Variants in CMC2 observed in about 807,000 individuals in gnomAD.
The protein encoded by CMC2 is COX assembly mitochondrial protein 2 homolog.
CMC2 carries 5 observed loss-of-function variants against 7.5 expected under a neutral mutation model. The ratio of observed to expected loss-of-function variants is 0.66; its 90% confidence interval spans 0.35 to 1.40. CMC2 has a LOEUF of 1.40. Among genes scored for constraint, CMC2 ranks in the 40% most tolerant of loss-of-function variants. CMC2 has a pLI of 0.04. For missense variants in CMC2, 115 were observed against 92.3 expected, an observed-to-expected ratio of 1.25 and a Z score of -1.01; for synonymous variants, 37 against 31.4, an observed-to-expected ratio of 1.18 and a Z score of -0.60.
At chr16:80,994,957 C>T (rs1968288425) in intron 2 of CMC2, among the ~76,000 whole-genome samples, 2 of 151,922 alleles carry the variant, frequency 1.3e-5, no homozygotes, top group Admixed American at 6.6e-5. Flanking sequence ...ACCAGCCTGA[C>T]CAACATAATG....
chr16:80,991,274 G>C (rs1050600125), intron 2 of CMC2, among the ~76,000 whole-genome samples: 6 of 152,084 alleles, frequency 3.9e-5, no homozygotes, highest in African/African-American at 4.8e-5. Context: ...CAGTCCTTAC[G>C]TGTAGGCTGC....
intron 2 of CMC2, among the ~76,000 whole-genome samples, chr16:80,986,117 G>A (rs984317483): frequency 6.6e-6 from 1 of 152,186 alleles, no homozygotes; most frequent in Non-Finnish European, 1.5e-5. Flanking sequence ...GGAGGCCCAG[G>A]CGGGCGGATC....
At position 80,992,705 on chromosome 16, in the gene CMC2, C is replaced by CTTTTTTTTTT. The variant is rs71390989; in HGVS notation, c.81+4599_81+4608dup. Among the ~76,000 whole-genome samples the CTTTTTTTTTT allele has an allele frequency of 3.2e-5, 3 of 92,518 alleles. 1 individual carries two copies. Among genetic ancestry groups the CTTTTTTTTTT allele is most frequent in the African/African-American group, 7.2e-5 (2 of 27,924 alleles). The allele number at this position is 92,518 out of a possible 152,430, so 60.7% of individuals were successfully genotyped here. On this transcript the variant is annotated intron_variant, in intron 2 of 3. Coordinates refer to ENST00000219400, the MANE Select transcript of CMC2 (RefSeq NM_020188.5). ...GATTTTTGGCCTCTTATTCCCCCTC[C>CTTTTTTTTTT]TTTTTTTTTTTTTTTTTGTGTAAAG...
chr16:80,990,332 A>C (rs1049842357), intron 2 of CMC2, among the ~76,000 whole-genome samples: 3 of 151,918 alleles, frequency 2.0e-5, no homozygotes, highest in African/African-American at 7.3e-5. Context: ...CACCACGCAC[A>C]GCTAATTTTT....
At chr16:80,978,925 C>CA (rs1458594945) in intron 3 of CMC2, among the ~76,000 whole-genome samples, 2 of 151,818 alleles carry the variant, frequency 1.3e-5, no homozygotes, top group Non-Finnish European at 2.9e-5. Flanking sequence ...ACTAAAAATA[C>CA]AAAAAATTAG....
At chr16:80,987,987 G>C (rs1156731746) in intron 2 of CMC2, among the ~76,000 whole-genome samples, 1 of 151,620 alleles carries the variant, frequency 6.6e-6, no homozygotes, top group African/African-American at 2.4e-5. Flanking sequence ...ATGAGCCTGG[G>C]CAACACAGGA....
intron 3 of CMC2, among the ~76,000 whole-genome samples, chr16:80,981,356 C>A (rs1967097584): frequency 6.6e-6 from 1 of 151,408 alleles, no homozygotes; most frequent in Admixed American, 6.6e-5. Context: ...CAAATTAGAT[C>A]CCTGTGGCTT....
intron 1 of CMC2, among the ~76,000 whole-genome samples, chr16:81,003,961 G>A (rs762848228): frequency 1.4e-4 from 21 of 152,340 alleles, no homozygotes; most frequent in South Asian, 1.0e-3. Flanking sequence ...TGTGGCTCAC[G>A]CCTGTAATCT....
chr16:80,989,494 A>T (rs914650349), intron 2 of CMC2, among the ~76,000 whole-genome samples: 1 of 152,188 alleles, frequency 6.6e-6, no homozygotes, highest in Non-Finnish European at 1.5e-5. Flanking sequence ...ATTCTTTGAT[A>T]AATGTCATAC....
Position 80,969,458 on chromosome 16 carries a change from C to A in CMC2, c.*6635G>T, listed in dbSNP as rs1396868065. 6.6e-6 allele frequency: 1 copy of A among 152,230 alleles called. No individual in the cohort carries two copies. Among genetic ancestry groups the A allele is most frequent in the African/African-American group, 2.4e-5 (1 of 41,448 alleles). 9.4% of individuals were successfully genotyped at this position (152,230 alleles called of 1,614,324 possible). On this transcript the variant is annotated 3_prime_UTR_variant, in exon 4 of 4. Coordinates refer to ENST00000219400, the MANE Select transcript of CMC2 (RefSeq NM_020188.5). Reference sequence around the variant, plus strand: ...CAGTAAATGGGGCCCACAGGAAGGTCTGAAGGGGCTGGAACAATTTAGCAT... The same window carrying A: ...CAGTAAATGGGGCCCACAGGAAGGTATGAAGGGGCTGGAACAATTTAGCAT...
At position 80,981,974 on chromosome 16, in the gene CMC2, T is replaced by G. The variant is rs1203853339; in HGVS notation, c.82-97A>C. ...TACTGCCACAGACATGAGTTTACAG[T>G]GTCACTTTGTTAATAAACAAGTAAT... On this transcript the variant is annotated intron_variant, in intron 2 of 3. Transcript: ENST00000219400. The G allele has an allele frequency of 1.7e-5, 11 of 663,796 alleles. No homozygotes were observed. In the South Asian group the frequency reaches 1.8e-4, roughly 11 times the overall value. The allele number at this position is 663,796 out of a possible 1,614,324, so 41.1% of individuals were successfully genotyped here.
chr16:80,997,949 A>C (rs1267259131), intron 1 of CMC2: 1 of 152,010 alleles, frequency 6.6e-6, no homozygotes, highest in Non-Finnish European at 1.5e-5. Context: ...AGAAGTTGTG[A>C]AAAAAAATTT....
intron 2 of CMC2, chr16:80,988,414 T>C: frequency 1.6e-6 from 1 of 612,934 alleles, no homozygotes; most frequent in Non-Finnish European, 2.9e-6. Flanking sequence ...AAGTATTTCT[T>C]GATGACAGCA....
Position 80,968,581 on chromosome 16 carries a change from A to G in CMC2, c.*7512T>C, listed in dbSNP as rs1911710291. The G allele has an allele frequency of 6.6e-6, 1 of 152,264 alleles. No individual in the cohort carries two copies. Among genetic ancestry groups the G allele is most frequent in the South Asian group, 2.1e-4 (1 of 4,834 alleles). 9.4% of individuals were successfully genotyped at this position (152,264 alleles called of 1,614,324 possible). On this transcript the variant is annotated 3_prime_UTR_variant, in exon 4 of 4. Coordinates refer to ENST00000219400, the MANE Select transcript of CMC2 (RefSeq NM_020188.5). ...TTCTCTAACTGTTGAAAATATAATC[A>G]TTCCTAGGGGGCAGTCTTTCCAAGG...
In CMC2 at chr16:80,976,105, T is replaced by A. The variant is rs910351469; in HGVS notation, c.228A>T (p.Glu76Asp). The A allele has an allele frequency of 6.3e-7, 1 of 1,599,468 alleles. No individual in the cohort carries two copies. The highest frequency in any genetic ancestry group is 1.7e-5 in the Admixed American group (1 of 60,012). The change falls in exon 4 of 4, where the codon GAA becomes GAT. Residue 76 changes from glutamate to aspartate, a missense_variant. Coordinates refer to ENST00000219400, the MANE Select transcript of CMC2 (RefSeq NM_020188.5). Reference protein sequence around the residue: ...MRKKLFNPPEESEK With the variant: ...MRKKLFNPPEDSEK ...GTGAAAATACAATTTATTTTTCGGATTCCTCTGGAGGATTAAAAAGTTTCT... is the reference window on the plus strand; with the variant it reads ...GTGAAAATACAATTTATTTTTCGGAATCCTCTGGAGGATTAAAAAGTTTCT...
intron 3 of CMC2, among the ~76,000 whole-genome samples, chr16:80,979,641 CAG>C (rs1023584834): frequency 6.6e-6 from 1 of 151,694 alleles, no homozygotes; most frequent in Non-Finnish European, 1.5e-5. Context: ...TATTTAGAGA[CAG>C]AGTCTCTCAC....
At chr16:80,987,929 A>T (rs1265295979) in intron 2 of CMC2, among the ~76,000 whole-genome samples, 1 of 152,072 alleles carries the variant, frequency 6.6e-6, no homozygotes, top group Non-Finnish European at 1.5e-5. Context: ...TAATCCCAGC[A>T]CTTTGGGAGG....
chr16:80,997,626 T>C (rs1445433593), intron 1 of CMC2, 197 bp from the exon 2 acceptor site: 9 of 383,526 alleles, frequency 2.3e-5, no homozygotes, highest in Non-Finnish European at 3.3e-5. Flanking sequence ...AAGTTATCAG[T>C]AGTATTTAGA....
At chr16:80,983,179 C>T (rs980095806) in intron 2 of CMC2, 9 of 152,192 alleles carry the variant, frequency 5.9e-5, no homozygotes, top group African/African-American at 2.2e-4. Context: ...ATGTGTTAAT[C>T]ACCTATTTAT....
Sources: allele counts gnomAD v4.1 joint callset (sites outside exome capture counted in the v4.1 genomes callset), GRCh38; gene constraint gnomAD v4.1.1; transcripts MANE v1.5; gene names NCBI Gene and HGNC (gene_info 2026-07-23, HGNC 2026-07-21).